Variants in ADGRB3 observed in about 807,000 individuals in gnomAD.
ADGRB3 encodes brain-specific angiogenesis inhibitor 3.
A neutral mutation model predicts 193.4 loss-of-function variants in ADGRB3; 37 were observed. The observed-to-expected ratio is 0.19, with a 90% CI of 0.15 to 0.25. The LOEUF (loss-of-function observed/expected upper bound fraction) is 0.25. ADGRB3 is among the 10% of genes least tolerant of loss of function. ADGRB3 has a pLI of 1.00. For synonymous variants in ADGRB3, 690 were observed against 644.2 expected (o/e 1.07, Z -1.08); for missense variants, 1,637 against 1,852.9 (o/e 0.88, Z 2.14).
At chr6:69,013,744 A>G (rs1424608582) in intron 11 of ADGRB3, among the ~76,000 whole-genome samples, 2 of 152,082 alleles carry the variant, frequency 1.3e-5, no homozygotes, top group Non-Finnish European at 2.9e-5. Context: ...GAATAATTAC[A>G]CAATGACATT....
chr6:68,661,538 C>CATATACATATATATAT (rs1768653511), intron 3 of ADGRB3, among the ~76,000 whole-genome samples: 1 of 91,830 alleles, frequency 1.1e-5, no homozygotes, highest in Non-Finnish European at 2.2e-5. Flanking sequence ...TATGTGTATA[C>CATATACATATATATAT]ATATATATAT....
At chr6:68,702,844 C>T (rs572618368) in intron 3 of ADGRB3, among the ~76,000 whole-genome samples, 53 of 152,108 alleles carry the variant, frequency 3.5e-4, no homozygotes, top group African/African-American at 1.3e-3. Flanking sequence ...CTGATACATT[C>T]GACTGAAATA....
chr6:69,322,288 A>G (rs1768473992), intron 20 of ADGRB3, among the ~76,000 whole-genome samples: 1 of 151,806 alleles, frequency 6.6e-6, no homozygotes, highest in Non-Finnish European at 1.5e-5. Context: ...TTTCTTTTCT[A>G]TTATGAATAC....
At chr6:69,295,592 A>T (rs2127294301) in intron 20 of ADGRB3, among the ~76,000 whole-genome samples, 1 of 152,182 alleles carries the variant, frequency 6.6e-6, no homozygotes, top group East Asian at 1.9e-4. Flanking sequence ...TATACCATAA[A>T]CCCACCCAAT....
In ADGRB3 at chr6:68,996,680, AGT is replaced by A. The variant is rs535555212; in HGVS notation, c.1929+2719_1929+2720del. ...TTCGTCTATCTCAATCTGCTGTTGA[AGT>A]TCTCAGGTCTTATGGGCCTGTGAAC... On this transcript the variant is annotated intron_variant, in intron 11 of 31. Transcript: ENST00000370598. Among the ~76,000 whole-genome samples the A allele has an allele frequency of 2.1e-3, 323 of 152,280 alleles. 1 individual carries two copies. The highest frequency in any genetic ancestry group is 7.4e-3 in the African/African-American group (307 of 41,566).
intron 3 of ADGRB3, among the ~76,000 whole-genome samples, chr6:68,640,090 G>T (rs1768049913): frequency 6.6e-6 from 1 of 152,186 alleles, no homozygotes; most frequent in Non-Finnish European, 1.5e-5. Context: ...CTCACTAGAA[G>T]CGCAAACTCT....
chr6:69,040,709 A>AAAG (rs1771039002), intron 13 of ADGRB3, among the ~76,000 whole-genome samples: 2 of 57,254 alleles, frequency 3.5e-5, no homozygotes, highest in Non-Finnish European at 7.3e-5. Flanking sequence ...AAAAAAAAAA[A>AAAG]CAAACAAGAA....
chr6:68,875,926 A>T (rs1277145455), intron 3 of ADGRB3, among the ~76,000 whole-genome samples: 1 of 152,128 alleles, frequency 6.6e-6, no homozygotes, highest in Admixed American at 6.6e-5. Flanking sequence ...TCATCCATAT[A>T]CTGTATGTTT....
At chr6:68,958,870 AGTGTGTGT>A (rs66559521) in intron 8 of ADGRB3, among the ~76,000 whole-genome samples, 43,325 of 147,102 alleles carry the variant, frequency 0.29, 6,661 homozygotes, top group Middle Eastern at 0.39. Flanking sequence ...AAAGAAAAAT[AGTGTGTGT>A]GTGTGTGTGT....
intron 17 of ADGRB3, among the ~76,000 whole-genome samples, chr6:69,100,447 C>T (rs1773000335): frequency 6.6e-6 from 1 of 152,126 alleles, no homozygotes; most frequent in Non-Finnish European, 1.5e-5. Context: ...ATAAGAGAGA[C>T]AGAGATAAAA....
At chr6:69,365,885 T>C (rs1339888811) in intron 29 of ADGRB3, among the ~76,000 whole-genome samples, 3 of 152,108 alleles carry the variant, frequency 2.0e-5, no homozygotes, top group African/African-American at 7.2e-5. Context: ...AATTAGATAA[T>C]GTACATGAAA....
chr6:69,061,263 C>T (rs146287212), intron 15 of ADGRB3, among the ~76,000 whole-genome samples: 101 of 151,910 alleles, frequency 6.6e-4, no homozygotes, highest in African/African-American at 2.2e-3. Context: ...TTAACCCATG[C>T]GAAACAGGTG....
intron 29 of ADGRB3, among the ~76,000 whole-genome samples, chr6:69,369,186 C>T (rs968978658): frequency 5.3e-5 from 8 of 152,096 alleles, no homozygotes; most frequent in African/African-American, 1.9e-4. Context: ...ATAACAATTT[C>T]CAATCACTTT....
chr6:69,295,068 A>G (rs1332745483), intron 20 of ADGRB3, among the ~76,000 whole-genome samples: 2 of 152,148 alleles, frequency 1.3e-5, no homozygotes, highest in African/African-American at 4.8e-5. Context: ...CCTGGTAGAC[A>G]CTGCCAACAT....
At chr6:69,200,979 G>A (rs1048131007) in intron 17 of ADGRB3, among the ~76,000 whole-genome samples, 6 of 151,856 alleles carry the variant, frequency 4.0e-5, no homozygotes, top group Non-Finnish European at 8.8e-5. Flanking sequence ...TATTTAATAA[G>A]CAACATAAGA....
chr6:68,999,464 C>T (rs1243498536), intron 11 of ADGRB3, among the ~76,000 whole-genome samples: 1 of 152,064 alleles, frequency 6.6e-6, no homozygotes, highest in Non-Finnish European at 1.5e-5. Flanking sequence ...TGGGGTTTCA[C>T]CGTGTTAGCC....
intron 20 of ADGRB3, among the ~76,000 whole-genome samples, chr6:69,252,343 A>C (rs1365897148): frequency 6.6e-6 from 1 of 152,130 alleles, no homozygotes; most frequent in Non-Finnish European, 1.5e-5. Context: ...TTTTGTTACT[A>C]TGAATAAAAT....
chr6:69,303,667 T>C (rs1416227918), intron 20 of ADGRB3, among the ~76,000 whole-genome samples: 1 of 151,874 alleles, frequency 6.6e-6, no homozygotes, highest in East Asian at 1.9e-4. Flanking sequence ...AATCTGAAAC[T>C]TAAAAAAAAA....
chr6:69,003,427 G>A (rs865969484), intron 11 of ADGRB3, among the ~76,000 whole-genome samples: 1 of 152,062 alleles, frequency 6.6e-6, no homozygotes, highest in South Asian at 2.1e-4. Context: ...CATCTTTAAG[G>A]TCAGCACTGA....
Sources: gnomAD v4.1 joint callset for allele counts (sites outside exome capture counted in the v4.1 genomes callset) on GRCh38, gnomAD v4.1.1 for gene constraint, MANE v1.5 for transcripts, NCBI Gene and HGNC (gene_info 2026-07-23, HGNC 2026-07-21) for gene names.